AFG2A: variants seen among roughly 807,000 people sequenced by gnomAD.
AFG2A encodes AAA ATPase AFG2A, also known as ATPase family gene 2 protein homolog A.
the AFG2A span, among the ~76,000 whole-genome samples, chr4:123,036,680 A>G: frequency 1.1e-4 from 16 of 152,134 alleles, no homozygotes; most frequent in African/African-American, 3.9e-4. Context: ...TGTAGCCAGC[A>G]TGGTCCCTGC....
the AFG2A span, among the ~76,000 whole-genome samples, chr4:122,984,904 T>C: frequency 2.2e-4 from 34 of 152,226 alleles, no homozygotes; most frequent in East Asian, 6.4e-3. Flanking sequence ...AGGATATTGG[T>C]CTGTAGTTTT....
chr4:123,027,834 G>T, the AFG2A span, among the ~76,000 whole-genome samples: 3 of 152,164 alleles, frequency 2.0e-5, no homozygotes, highest in East Asian at 3.8e-4. Flanking sequence ...TAGATATATA[G>T]ATGAGACCTT....
At chr4:123,310,200 G>T in the AFG2A span, among the ~76,000 whole-genome samples, 6 of 152,228 alleles carry the variant, frequency 3.9e-5, no homozygotes, top group African/African-American at 1.2e-4. Flanking sequence ...GTGGCGCTCT[G>T]TCAGCTGCTT....
At chr4:123,223,736 G>A in the AFG2A span, among the ~76,000 whole-genome samples, 3,536 of 152,268 alleles carry the variant, frequency 0.023, 70 homozygotes, top group African/African-American at 0.055. Flanking sequence ...AGATTTGGGC[G>A]GGGACCCAAA....
the AFG2A span, among the ~76,000 whole-genome samples, chr4:123,084,651 C>T: frequency 6.6e-6 from 1 of 150,438 alleles, no homozygotes; most frequent in Non-Finnish European, 1.5e-5. Flanking sequence ...GAGACAGAGA[C>T]AGGGTCTTGC....
At chr4:123,174,374 A>G in the AFG2A span, among the ~76,000 whole-genome samples, 1 of 152,234 alleles carries the variant, frequency 6.6e-6, no homozygotes, top group Non-Finnish European at 1.5e-5. Flanking sequence ...GGGGCACATA[A>G]CAACATAAAG....
chr4:122,983,232 G>GA, the AFG2A span, among the ~76,000 whole-genome samples: 2 of 151,752 alleles, frequency 1.3e-5, no homozygotes, highest in Non-Finnish European at 1.5e-5. Context: ...CTTATCTTTT[G>GA]AAAAAACAAC....
chr4:123,303,810 A>AC, the AFG2A span, among the ~76,000 whole-genome samples: 1 of 151,686 alleles, frequency 6.6e-6, no homozygotes, highest in African/African-American at 2.4e-5. Flanking sequence ...AAATTAAGCA[A>AC]CCAAGTGTGT....
the AFG2A span, among the ~76,000 whole-genome samples, chr4:123,053,664 A>C: frequency 6.6e-6 from 1 of 152,102 alleles, no homozygotes; most frequent in African/African-American, 2.4e-5. Flanking sequence ...TGTGTCTCCC[A>C]GCAGGTCCGT....
At chr4:123,197,853 A>C in the AFG2A span, among the ~76,000 whole-genome samples, 38 of 152,340 alleles carry the variant, frequency 2.5e-4, no homozygotes, top group African/African-American at 8.2e-4. Context: ...TTAAGAACTT[A>C]TAAAAAATAC....
the AFG2A span, among the ~76,000 whole-genome samples, chr4:123,157,407 A>T: frequency 2.0e-5 from 3 of 152,152 alleles, no homozygotes; most frequent in Admixed American, 6.6e-5. Flanking sequence ...CCTTTTCTGG[A>T]CTAGGCCACC....
chr4:123,072,613 G>T, the AFG2A span, among the ~76,000 whole-genome samples: 1 of 152,146 alleles, frequency 6.6e-6, no homozygotes, highest in Non-Finnish European at 1.5e-5. Flanking sequence ...TTGTCAAAAT[G>T]TAATTGCCAG....
At chr4:123,247,125 AAC>A in the AFG2A span, among the ~76,000 whole-genome samples, 13 of 152,084 alleles carry the variant, frequency 8.5e-5, no homozygotes, top group Non-Finnish European at 1.8e-4. Flanking sequence ...GCTTTTTGGA[AAC>A]AGTTTCTTTC....
At chr4:123,067,240 T>G in the AFG2A span, among the ~76,000 whole-genome samples, 1 of 152,060 alleles carries the variant, frequency 6.6e-6, no homozygotes, top group Non-Finnish European at 1.5e-5. Context: ...AAAATGAGGC[T>G]GGGCACGGTG....
At chr4:122,980,481 T>C in the AFG2A span, among the ~76,000 whole-genome samples, 10 of 152,318 alleles carry the variant, frequency 6.6e-5, no homozygotes, top group South Asian at 6.2e-4. Context: ...AGTGCAGATA[T>C]CGCTTTGAGA....
chr4:123,066,402 C>G, the AFG2A span, among the ~76,000 whole-genome samples: 4 of 152,016 alleles, frequency 2.6e-5, no homozygotes, highest in Non-Finnish European at 5.9e-5. Flanking sequence ...AATCATAGAA[C>G]TTTATAAATG....
chr4:123,120,790 C>T, the AFG2A span, among the ~76,000 whole-genome samples: 2 of 152,078 alleles, frequency 1.3e-5, no homozygotes, highest in African/African-American at 2.4e-5. Flanking sequence ...TAGCACATTC[C>T]ATTTGTATAG....
At chr4:122,978,581 G>T in the AFG2A span, among the ~76,000 whole-genome samples, 4 of 152,296 alleles carry the variant, frequency 2.6e-5, no homozygotes, top group African/African-American at 9.6e-5. Flanking sequence ...CTTAAAGGTG[G>T]GGCTTCACCA....
chr4:122,954,057 C>T, the AFG2A span, among the ~76,000 whole-genome samples: 1 of 152,316 alleles, frequency 6.6e-6, no homozygotes, highest in East Asian at 1.9e-4. Flanking sequence ...CCTGCAATTC[C>T]TCCATAGTCT....
Sources: gnomAD v4.1 joint callset for allele counts (sites outside exome capture counted in the v4.1 genomes callset) on GRCh38, gnomAD v4.1.1 for gene constraint, MANE v1.5 for transcripts, NCBI Gene and HGNC (gene_info 2026-07-23, HGNC 2026-07-21) for gene names.